The following CAMK2D variants were observed in gnomAD, a reference collection of about 807,000 sequenced individuals.
The protein encoded by CAMK2D is calcium/calmodulin dependent protein kinase II delta, also known as calcium/calmodulin-dependent protein kinase type II subunit delta.
In CAMK2D, 37 loss-of-function variants were observed where a neutral mutation model predicts 84.0. The ratio of observed to expected loss-of-function variants is 0.44; its 90% CI spans 0.34 to 0.58. CAMK2D has a LOEUF of 0.58. Ranked by LOEUF, CAMK2D falls within the 20% of genes least tolerant of loss-of-function variation. CAMK2D has a pLI of 0.02. For missense variants in CAMK2D, 448 were observed against 652.5 expected (o/e 0.69, Z 3.41); for synonymous variants, 202 against 212.5 (o/e 0.95, Z 0.43).
rs115835742 is a variant in CAMK2D at position 113,577,099 on chromosome 4, C to T, written c.276-25003G>A. On this transcript the variant is annotated intron_variant, in intron 4 of 20. Transcript: ENST00000511664. The stretch of plus-strand genomic sequence containing the variant: ...TCCTTCCCCTCCCCCCAGGAAGAGT[C>T]CAATGAATTCTTTACTTTGGGGTTT... Among the ~76,000 whole-genome samples the T allele has an allele frequency of 3.5e-3, 538 of 152,196 alleles. 3 individuals are homozygous for T. The highest frequency in any genetic ancestry group is 0.012 in the African/African-American group (503 of 41,528).
chr4:113,743,880 G>A (rs370514060), intron 2 of CAMK2D, among the ~76,000 whole-genome samples: 15 of 150,570 alleles, frequency 1.0e-4, no homozygotes, highest in African/African-American at 1.7e-4. Flanking sequence ...TCACTGTGTC[G>A]CCCAGGCTGG....
At chr4:113,491,741 G>T (rs2097846722) in intron 16 of CAMK2D, among the ~76,000 whole-genome samples, 1 of 152,036 alleles carries the variant, frequency 6.6e-6, no homozygotes, top group South Asian at 2.1e-4. Context: ...CGTACCTCTG[G>T]TAGAATTCGG....
In CAMK2D at chr4:113,527,320, T is replaced by C. The variant is rs544182312; in HGVS notation, c.601+3896A>G. On this transcript the variant is annotated intron_variant, in intron 8 of 20. Transcript: ENST00000511664. Reference sequence around the variant, plus strand: ...GGTCATCCTATGTTGCCCAGGCTGGTCTCAAACTCTTGGACTCAAGATCCT... The same window carrying C: ...GGTCATCCTATGTTGCCCAGGCTGGCCTCAAACTCTTGGACTCAAGATCCT... Among the ~76,000 whole-genome samples, 6 of 152,058 alleles carry C rather than the reference T, an allele frequency of 3.9e-5. No individual in the cohort carries two copies. The East Asian group carries it at 1.2e-3, about 29-fold the overall frequency.
intron 16 of CAMK2D, among the ~76,000 whole-genome samples, chr4:113,474,496 G>GT (rs2097581058): frequency 4.8e-5 from 6 of 123,768 alleles, no homozygotes; most frequent in African/African-American, 1.9e-4. Context: ...GTCCTTTTTG[G>GT]CCTTTTTTTT....
chr4:113,482,805 A>G (rs910605193), intron 16 of CAMK2D, among the ~76,000 whole-genome samples: 5 of 152,270 alleles, frequency 3.3e-5, no homozygotes, highest in Non-Finnish European at 7.3e-5. Flanking sequence ...TTTCCTTTGG[A>G]TACTGAAGTA....
At chr4:113,684,205 C>G (rs1370445950) in intron 2 of CAMK2D, among the ~76,000 whole-genome samples, 4 of 152,144 alleles carry the variant, frequency 2.6e-5, no homozygotes, top group Admixed American at 6.5e-5. Context: ...AGTTAGAAAG[C>G]TAATGAAAAT....
At chr4:113,723,744 CTGTT>C (rs1300402477) in intron 2 of CAMK2D, among the ~76,000 whole-genome samples, 3 of 152,008 alleles carry the variant, frequency 2.0e-5, no homozygotes, top group Admixed American at 6.5e-5. Flanking sequence ...TTTCCAATAA[CTGTT>C]TGACTATGAC....
intron 4 of CAMK2D, among the ~76,000 whole-genome samples, chr4:113,553,755 C>G (rs545252485): frequency 1.3e-5 from 2 of 152,254 alleles, no homozygotes; most frequent in African/African-American, 4.8e-5. Flanking sequence ...GTTACATGTA[C>G]GTAATTCCAT....
intron 3 of CAMK2D, among the ~76,000 whole-genome samples, chr4:113,634,182 T>C (rs562964244): frequency 6.6e-6 from 1 of 152,312 alleles, no homozygotes; most frequent in South Asian, 2.1e-4. Flanking sequence ...CCCTGTTCCT[T>C]CTCCCCTATT....
rs142089583 is a variant in CAMK2D at position 113,553,161 on chromosome 4, G to A, written c.276-1065C>T. ...AACTTATAAATCCTCACAATTGCCC[G>A]CCGAGCAATTCCCCTCCCAGTTTAT... On this transcript the variant is annotated intron_variant, in intron 4 of 20. Transcript: ENST00000511664. Among the ~76,000 whole-genome samples, 660 of 152,172 alleles carry A rather than the reference G, an allele frequency of 4.3e-3. 9 individuals carry two copies. In the East Asian group the frequency reaches 0.052, roughly 12 times the overall value.
In CAMK2D at chr4:113,478,856, A is replaced by C. The variant is rs1406807816; in HGVS notation, c.1136-13252T>G. On this transcript the variant is annotated intron_variant, in intron 16 of 20. Transcript: ENST00000511664. Reference sequence around the variant, plus strand: ...TAATTCAAATTGTACAATTGTAAAAAAAATGACATTTGGAGCAGGATTTTT... The same window carrying C: ...TAATTCAAATTGTACAATTGTAAAACAAATGACATTTGGAGCAGGATTTTT... Among the ~76,000 whole-genome samples, 4 of 152,342 alleles carry C rather than the reference A, an allele frequency of 2.6e-5. 1 individual carries two copies. Among genetic ancestry groups the C allele is most frequent in the Admixed American group, 2.6e-4 (4 of 15,306 alleles).
At chr4:113,682,723 T>C (rs962160596) in intron 2 of CAMK2D, among the ~76,000 whole-genome samples, 2 of 152,204 alleles carry the variant, frequency 1.3e-5, no homozygotes, top group African/African-American at 4.8e-5. Flanking sequence ...AATTAGGAAT[T>C]GTATCATCTT....
rs758998985 is a variant in CAMK2D, at chr4:113,455,725, C to T, written c.*29+1G>A. ...GTATCACGGAGCAGGATGTTACTTA[C>T]AAGACCCATATGTGAATGGTTTTCA... is the stretch of plus-strand genomic sequence containing the variant. On this transcript the variant is annotated splice_donor_variant, in intron 20 of 20. Coordinates refer to ENST00000511664, the MANE Select transcript of CAMK2D (RefSeq NM_001321571.2). LOFTEE classifies it low-confidence loss of function (3UTR_SPLICE). 2 of 1,565,172 alleles carry T rather than the reference C, an allele frequency of 1.3e-6. No homozygotes were observed. The highest frequency in any genetic ancestry group is 1.1e-5 in the South Asian group (1 of 89,436).
intron 2 of CAMK2D, among the ~76,000 whole-genome samples, chr4:113,725,536 C>T (rs1219048318): frequency 3.3e-5 from 5 of 152,056 alleles, no homozygotes; most frequent in African/African-American, 9.7e-5. Context: ...TAAGGTAAAC[C>T]TCTCTTGCCC....
At chr4:113,686,516 C>A (rs1023201401) in intron 2 of CAMK2D, among the ~76,000 whole-genome samples, 1 of 152,062 alleles carries the variant, frequency 6.6e-6, no homozygotes, top group Admixed American at 6.6e-5. Context: ...TCTTTAGGAC[C>A]TCTAATTGTA....
intron 9 of CAMK2D, among the ~76,000 whole-genome samples, chr4:113,515,918 T>C (rs2154168601): frequency 6.6e-6 from 1 of 152,338 alleles, no homozygotes; most frequent in Non-Finnish European, 1.5e-5. Context: ...TCTCCTTTCT[T>C]TACATTATTT....
At chr4:113,730,774 T>G (rs900197845) in intron 2 of CAMK2D, among the ~76,000 whole-genome samples, 11 of 152,216 alleles carry the variant, frequency 7.2e-5, no homozygotes, top group Non-Finnish European at 1.5e-4. Flanking sequence ...GCTCATTGGT[T>G]CAACTCACTG....
At chr4:113,524,544 A>G (rs547936685) in intron 8 of CAMK2D, among the ~76,000 whole-genome samples, 9 of 152,336 alleles carry the variant, frequency 5.9e-5, no homozygotes, top group East Asian at 5.8e-4. Flanking sequence ...TTATCTGTCA[A>G]TGGACATTTG....
intron 2 of CAMK2D, among the ~76,000 whole-genome samples, chr4:113,747,201 T>C (rs1035106890): frequency 6.6e-6 from 1 of 151,948 alleles, no homozygotes; most frequent in Non-Finnish European, 1.5e-5. Flanking sequence ...TGGAAGATTG[T>C]TTCATTATAT....
Sources: gnomAD v4.1 joint callset for allele counts (sites outside exome capture counted in the v4.1 genomes callset) on GRCh38, gnomAD v4.1.1 for gene constraint, MANE v1.5 for transcripts, NCBI Gene and HGNC (gene_info 2026-07-23, HGNC 2026-07-21) for gene names.